Variants in IGF2BP2 observed in about 807,000 individuals in gnomAD.
IGF2BP2 encodes insulin like growth factor 2 mRNA binding protein 2.
A neutral mutation model predicts 75.8 loss-of-function variants in IGF2BP2; 17 were observed. The ratio of observed to expected loss-of-function variants is 0.22; its 90% CI spans 0.15 to 0.34. The LOEUF (loss-of-function observed/expected upper bound fraction) is 0.34. Among genes scored for constraint, IGF2BP2 ranks in the 10% least tolerant of loss-of-function variants. IGF2BP2 has a pLI of 1.00. For missense variants in IGF2BP2, 516 were observed against 772.4 expected, an observed-to-expected ratio of 0.67 and a Z score of 3.93; for synonymous variants, 288 against 295.6, an observed-to-expected ratio of 0.97 and a Z score of 0.26.
At chr3:185,660,681 T>C (rs961658913) in intron 10 of IGF2BP2, among the ~76,000 whole-genome samples, 49 of 152,172 alleles carry the variant, frequency 3.2e-4, no homozygotes, top group African/African-American at 1.2e-3. Context: ...TGAAGCAGTT[T>C]CTCTCTCTTG....
chr3:185,772,501 G>C (rs1255742631), intron 2 of IGF2BP2, among the ~76,000 whole-genome samples: 3 of 150,046 alleles, frequency 2.0e-5, no homozygotes, highest in African/African-American at 7.4e-5. Context: ...TGTACATAGT[G>C]TATTATATCA....
At chr3:185,657,197 G>T in intron 12 of IGF2BP2, 89 bp downstream of exon 12, 1 of 819,988 alleles carries the variant, frequency 1.2e-6, no homozygotes, top group Non-Finnish European at 2.1e-6. Context: ...TCTGCATGGT[G>T]TGGCGCTGCC....
chr3:185,773,206 C>T (rs1466847464), intron 2 of IGF2BP2, among the ~76,000 whole-genome samples: 1 of 152,150 alleles, frequency 6.6e-6, no homozygotes, highest in Non-Finnish European at 1.5e-5. Context: ...CTCCTAGGTG[C>T]TATTCTAACT....
intron 2 of IGF2BP2, among the ~76,000 whole-genome samples, chr3:185,702,764 A>C (rs1723489980): frequency 6.6e-6 from 1 of 151,502 alleles, no homozygotes; most frequent in Non-Finnish European, 1.5e-5. Flanking sequence ...ATCTTTAAAC[A>C]CTCCTTCACA....
rs1713294506 is a variant in IGF2BP2 at position 185,645,161 on chromosome 3, GA to G, written c.*369del. On this transcript the variant is annotated 3_prime_UTR_variant, in exon 16 of 16. Transcript: ENST00000382199. The surrounding 1 kb of genome is among the most constrained non-coding windows in gnomAD (Gnocchi z 4.9). ...ACATGTACAGAGACGATTTGCCACA[GA>G]AAAAGGGTGTGCATTTTGCTTGGCT... is the stretch of plus-strand genomic sequence containing the variant. The G allele has an allele frequency of 4.0e-6, 1 of 253,130 alleles. No homozygotes were observed. The highest frequency in any genetic ancestry group is 7.7e-6 in the Non-Finnish European group (1 of 129,974). 15.7% of individuals were successfully genotyped at this position (253,130 alleles called of 1,614,324 possible).
intron 2 of IGF2BP2, among the ~76,000 whole-genome samples, chr3:185,804,301 G>A (rs1738690833): frequency 6.7e-6 from 1 of 149,588 alleles, no homozygotes; most frequent in Non-Finnish European, 1.5e-5. Flanking sequence ...GTGTGGTGGT[G>A]CACGCCTGTA....
intron 1 of IGF2BP2, 49 bp downstream of exon 1, chr3:185,824,734 C>T (rs753614841): frequency 1.1e-5 from 14 of 1,240,192 alleles, no homozygotes; most frequent in Non-Finnish European, 1.4e-5. Flanking sequence ...GGCGCCGTCC[C>T]GGCCTGAGCG....
intron 7 of IGF2BP2, among the ~76,000 whole-genome samples, chr3:185,677,068 T>TATATATATATATAGAGAGAGAGAGAG: frequency 9.8e-4 from 35 of 35,832 alleles, no homozygotes; most frequent in Non-Finnish European, 1.4e-3. Context: ...TATATATATA[T>TATATATATATATAGAGAGAGAGAGAG]AGAGAGAGAG....
chr3:185,680,463 C>G (rs1720205968), intron 7 of IGF2BP2, among the ~76,000 whole-genome samples: 2 of 152,184 alleles, frequency 1.3e-5, no homozygotes, highest in Admixed American at 1.3e-4. Context: ...ATGAGGCCAG[C>G]TTTACCCTGA....
intron 4 of IGF2BP2, among the ~76,000 whole-genome samples, chr3:185,696,037 T>C (rs1388536635): frequency 6.6e-6 from 1 of 152,220 alleles, no homozygotes; most frequent in Non-Finnish European, 1.5e-5. Context: ...TCTGCCCACC[T>C]GGGCGTCACA....
intron 2 of IGF2BP2, among the ~76,000 whole-genome samples, chr3:185,763,341 T>C (rs1375871244): frequency 2.6e-5 from 4 of 152,202 alleles, no homozygotes; most frequent in African/African-American, 7.2e-5. Flanking sequence ...TTACCCTACC[T>C]TAGTAGGTCC....
chr3:185,747,792 G>A (rs1230516369), intron 2 of IGF2BP2, among the ~76,000 whole-genome samples: 2 of 147,880 alleles, frequency 1.4e-5, no homozygotes, highest in African/African-American at 5.2e-5. Flanking sequence ...GATCAAAGGT[G>A]CCTTCCTATC....
intron 2 of IGF2BP2, among the ~76,000 whole-genome samples, chr3:185,809,469 C>T (rs1441285246): frequency 2.6e-5 from 4 of 152,024 alleles, no homozygotes; most frequent in African/African-American, 9.7e-5. Flanking sequence ...AAGATTCACT[C>T]GCAAGTTTTA....
intron 2 of IGF2BP2, chr3:185,722,102 C>CT (rs111343732): frequency 0.07 from 17,933 of 257,506 alleles, 215 homozygotes; most frequent in South Asian, 0.11. Context: ...TTTTTTTTTT[C>CT]TTTTTTTTTT....
intron 2 of IGF2BP2, among the ~76,000 whole-genome samples, chr3:185,750,047 G>A (rs1730759816): frequency 6.6e-6 from 1 of 152,202 alleles, no homozygotes. Context: ...GTCCCTGGAA[G>A]ACTTGTTAAC....
intron 2 of IGF2BP2, among the ~76,000 whole-genome samples, chr3:185,723,940 G>A (rs933220775): frequency 3.9e-5 from 6 of 152,216 alleles, no homozygotes; most frequent in East Asian, 1.9e-4. Flanking sequence ...CAACCGAAGC[G>A]GGTAAGCAGG....
chr3:185,810,470 T>C (rs1436863171), intron 2 of IGF2BP2, among the ~76,000 whole-genome samples: 2 of 152,200 alleles, frequency 1.3e-5, no homozygotes, highest in African/African-American at 4.8e-5. Context: ...TTGCCTTATA[T>C]CAGACATTTA....
chr3:185,733,069 G>C (rs966000644), intron 2 of IGF2BP2, among the ~76,000 whole-genome samples: 4 of 152,138 alleles, frequency 2.6e-5, no homozygotes, highest in Non-Finnish European at 5.9e-5. Context: ...CTAGGAACTA[G>C]GGGAGGATAC....
chr3:185,742,219 C>CA (rs1279565870), intron 2 of IGF2BP2, among the ~76,000 whole-genome samples: 1 of 149,138 alleles, frequency 6.7e-6, no homozygotes, highest in Non-Finnish European at 1.5e-5. Flanking sequence ...GCCGGCCAGG[C>CA]ACAGTGGCTC....
Sources: gnomAD v4.1 joint callset for allele counts (sites outside exome capture counted in the v4.1 genomes callset) on GRCh38, gnomAD v4.1.1 for gene constraint, Gnocchi (gnomAD v3.1) non-coding constraint, MANE v1.5 for transcripts, NCBI Gene and HGNC (gene_info 2026-07-23, HGNC 2026-07-21) for gene names.